TAB1: variants seen among roughly 807,000 people sequenced by gnomAD.
TAB1 encodes the protein TGF-beta activated kinase 1 (MAP3K7) binding protein 1, also known as TGF-beta-activated kinase 1 and MAP3K7-binding protein 1.
Under a neutral mutation model 54.5 loss-of-function variants are expected in TAB1, and 30 were observed. That is an observed-to-expected ratio of 0.55 (90% CI 0.41 to 0.75). TAB1 has a LOEUF of 0.75. Among genes scored for constraint, TAB1 ranks in the 30% least tolerant of loss-of-function variants. The probability of loss-of-function intolerance (pLI) is 0.00; values close to 1 mark genes in which losing one functional copy is unlikely to be tolerated. For synonymous variants in TAB1, 289 were observed against 286.9 expected (o/e 1.01, Z -0.07); for missense variants, 609 against 683.2 (o/e 0.89, Z 1.21).
downstream of TAB1, chr22:39,432,383 G>A (rs946880345): frequency 6.6e-6 from 1 of 152,240 alleles, no homozygotes; most frequent in Admixed American, 6.5e-5. Context: ...TTTCTGGGAC[G>A]TAAGAACTCA....
intron 8 of TAB1, among the ~76,000 whole-genome samples, chr22:39,426,047 CG>C (rs1326452818): frequency 6.6e-6 from 1 of 151,710 alleles, no homozygotes; most frequent in Admixed American, 6.6e-5. Flanking sequence ...TAAGTAGAGA[CG>C]GGGTTTCAAC....
Position 39,430,802 on chromosome 22 carries a change from G to T in TAB1, c.*580G>T. The T allele has an allele frequency of 1.0e-6, 1 of 993,470 alleles. No homozygotes were observed. The highest frequency in any genetic ancestry group is 1.7e-5 in the African/African-American group (1 of 57,626). The allele number at this position is 993,470 out of a possible 1,614,324, so 61.5% of individuals were successfully genotyped here. ...GTAAACGTTCAGGAGGACCAGGGCA[G>T]CATCTGGGGCCTGGGATGGCCACAG... On this transcript the variant is annotated 3_prime_UTR_variant, in exon 11 of 11. Coordinates refer to ENST00000216160, the MANE Select transcript of TAB1 (RefSeq NM_006116.3).
At position 39,430,108 on chromosome 22, in the gene TAB1, C is replaced by T. The variant is rs1407795169; in HGVS notation, c.1401C>T (p.Ala467=). 4.3e-6 allele frequency: 7 copies of T among 1,613,982 alleles called. No homozygotes were observed. Among genetic ancestry groups the T allele is most frequent in the Non-Finnish European group, 5.9e-6 (7 of 1,180,058 alleles). Reference sequence around the variant, plus strand: ...GAGGCCTCTTCCGCTCCCGGCCCGCCCACTCGCTCCCGCCTGGCGAGGACG... The same window carrying T: ...GAGGCCTCTTCCGCTCCCGGCCCGCTCACTCGCTCCCGCCTGGCGAGGACG... ...SDGGLFRSRP[A]HSLPPGEDGR... Residue 467 remains alanine (A), a synonymous_variant, in exon 11 of 11, where the codon GCC becomes GCT. Transcript: ENST00000216160.
chr22:39,401,009 G>T (rs1177082108), intron 1 of TAB1, among the ~76,000 whole-genome samples: 1 of 148,590 alleles, frequency 6.7e-6, no homozygotes, highest in African/African-American at 2.5e-5. Flanking sequence ...ACTCCAGCCT[G>T]GAGCGACAGA....
At chr22:39,420,304 A>G (rs1023878738) in intron 7 of TAB1, among the ~76,000 whole-genome samples, 7 of 152,212 alleles carry the variant, frequency 4.6e-5, no homozygotes, top group African/African-American at 1.7e-4. Flanking sequence ...GCATGGAGAC[A>G]TCAGGCAGCC....
At chr22:39,420,123 C>T (rs1445016686) in intron 7 of TAB1, among the ~76,000 whole-genome samples, 1 of 152,226 alleles carries the variant, frequency 6.6e-6, no homozygotes, top group Non-Finnish European at 1.5e-5. Context: ...TCTGAGGACA[C>T]CTCCTCTGGA....
At chr22:39,427,140 C>T (rs1348555424) in intron 9 of TAB1, among the ~76,000 whole-genome samples, 1 of 152,240 alleles carries the variant, frequency 6.6e-6, no homozygotes, top group Non-Finnish European at 1.5e-5. Context: ...CCTGCCCCGG[C>T]AACCTCCCAG....
In TAB1 at chr22:39,430,623, C is replaced by G; in HGVS notation, c.*401C>G. On this transcript the variant is annotated 3_prime_UTR_variant, in exon 11 of 11. Coordinates refer to ENST00000216160, the MANE Select transcript of TAB1 (RefSeq NM_006116.3). The stretch of plus-strand genomic sequence containing the variant: ...ACCCTGCTGTCCCAAGCCCACCCCT[C>G]CTCCCACCATCACCTCCCTCACCTC... 1 of 1,095,272 alleles carries G rather than the reference C, an allele frequency of 9.1e-7. No individual in the cohort carries two copies. The allele number at this position is 1,095,272 out of a possible 1,614,324, so 67.8% of individuals were successfully genotyped here. A position where few individuals can be genotyped will look rare whatever the true frequency, so the allele number is the denominator to read the frequency against.
In TAB1 at chr22:39,430,095, G is replaced by A. The variant is rs151213024; in HGVS notation, c.1388G>A (p.Arg463His). ...TCCAGCTCTGACGGAGGCCTCTTCC[G>A]CTCCCGGCCCGCCCACTCGCTCCCG... Reference protein sequence around the residue: ...SSSSSDGGLFRSRPAHSLPPG... With the variant: ...SSSSSDGGLFHSRPAHSLPPG... The change falls in exon 11 of 11, where the codon CGC (arginine) becomes CAC (histidine). Residue 463 changes from arginine to histidine, a missense_variant. Physicochemically the swap from Arg to His is conservative, Grantham distance 29 (BLOSUM62 0). Coordinates refer to ENST00000216160, the MANE Select transcript of TAB1 (RefSeq NM_006116.3). 3.3e-5 allele frequency: 54 copies of A among 1,613,988 alleles called. No individual in the cohort carries two copies. Among genetic ancestry groups the A allele is most frequent in the Middle Eastern group, 1.7e-4 (1 of 6,058 alleles).
chr22:39,429,343 A>C (rs2145684283), intron 10 of TAB1: 2 of 985,398 alleles, frequency 2.0e-6, no homozygotes, highest in African/African-American at 3.5e-5. Context: ...GTTTAGAGAG[A>C]TGGTAATGGA....
chr22:39,428,354 G>A (rs1927438330), intron 10 of TAB1, among the ~76,000 whole-genome samples, 171 bp downstream of exon 10: 1 of 152,224 alleles, frequency 6.6e-6, no homozygotes, highest in South Asian at 2.1e-4. Context: ...ACTGAGGCAG[G>A]TGCGATTTTT....
chr22:39,429,486 CA>C (rs897819458), intron 10 of TAB1: 34 of 632,752 alleles, frequency 5.4e-5, no homozygotes, highest in South Asian at 7.1e-5. Context: ...ATTTTCTTTC[CA>C]TTTTTTTGAG....
In TAB1 at chr22:39,430,863, G is replaced by A. The variant is rs561741281; in HGVS notation, c.*641G>A. Reference sequence around the variant, plus strand: ...CCAGGTGGAAAGGAGCCAGGGGGAAGTGGTCTAAGAGACCTGGAACTGCCA... The same window carrying A: ...CCAGGTGGAAAGGAGCCAGGGGGAAATGGTCTAAGAGACCTGGAACTGCCA... On this transcript the variant is annotated 3_prime_UTR_variant, in exon 11 of 11. Transcript: ENST00000216160. 3 of 990,346 alleles carry A rather than the reference G, an allele frequency of 3.0e-6. No homozygotes were observed. In the South Asian group the frequency reaches 1.4e-4, roughly 46 times the overall value. 61.3% of individuals were successfully genotyped at this position (990,346 alleles called of 1,614,324 possible).
intron 3 of TAB1, 132 bp from the exon 4 acceptor site, chr22:39,416,659 T>G: frequency 1.2e-6 from 1 of 816,678 alleles, no homozygotes; most frequent in Non-Finnish European, 2.1e-6. Flanking sequence ...AGGACTGACA[T>G]GTGGAAAGCT....
chr22:39,434,830 C>T (rs1927724955), downstream of TAB1, among the ~76,000 whole-genome samples: 1 of 152,252 alleles, frequency 6.6e-6, no homozygotes, highest in Non-Finnish European at 1.5e-5. Flanking sequence ...TGGCTGGTTT[C>T]CACATGCGCC....
chr22:39,415,676 T>G lies in TAB1; in HGVS notation c.324+23T>G. The G allele has an allele frequency of 3.1e-6, 5 of 1,596,162 alleles. No individual in the cohort carries two copies. Among genetic ancestry groups the G allele is most frequent in the Non-Finnish European group, 4.3e-6 (5 of 1,174,152 alleles). On this transcript the variant is annotated intron_variant, in intron 3 of 10. Coordinates refer to ENST00000216160, the MANE Select transcript of TAB1 (RefSeq NM_006116.3). This position sits in a 1 kb window ranked among gnomAD's most constrained non-coding sequence, Gnocchi z 4.9. ...CAGGTAATGGTGCCGGGGCCAACAG[T>G]GACCCAGCCACATCATGTCCCCCAC... is the stretch of plus-strand genomic sequence containing the variant.
chr22:39,422,639 C>T (rs1337442755), intron 8 of TAB1, among the ~76,000 whole-genome samples: 4 of 151,974 alleles, frequency 2.6e-5, no homozygotes, highest in Non-Finnish European at 4.4e-5. Context: ...CCTTGTGATC[C>T]ACCCACCTCA....
chr22:39,428,315 C>T (rs1472754821), intron 10 of TAB1, 132 bp downstream of exon 10: 2 of 569,742 alleles, frequency 3.5e-6, no homozygotes, highest in Non-Finnish European at 5.9e-6. Flanking sequence ...TCCCCAGCTC[C>T]GTGCCTGGTG....
chr22:39,415,442 C>A lies in TAB1; in HGVS notation c.171-58C>A. 1.9e-6 allele frequency: 3 copies of A among 1,584,776 alleles called. No individual in the cohort carries two copies. Among genetic ancestry groups the A allele is most frequent in the Non-Finnish European group, 2.6e-6 (3 of 1,156,800 alleles). ...TCTCCCCCAATTCCTTTCCCTTTCT[C>A]CCTCCACCTCCGTGAGACCCTGGTC... On this transcript the variant is annotated intron_variant, in intron 2 of 10. Transcript: ENST00000216160. This position sits in a 1 kb window ranked among gnomAD's most constrained non-coding sequence, Gnocchi z 4.9.
Sources: allele counts gnomAD v4.1 joint callset (sites outside exome capture counted in the v4.1 genomes callset), GRCh38; gene constraint gnomAD v4.1.1; non-coding constraint Gnocchi (gnomAD v3.1); transcripts MANE v1.5; gene names NCBI Gene and HGNC (gene_info 2026-07-23, HGNC 2026-07-21).